Variants in ACTR3 observed in about 807,000 individuals in gnomAD.
The protein encoded by ACTR3 is actin-related protein 3.
ACTR3 carries 12 observed loss-of-function variants against 56.8 expected under a neutral mutation model. The ratio of observed to expected loss-of-function variants is 0.21; its 90% CI spans 0.14 to 0.34. The LOEUF is 0.34. ACTR3 is among the 10% of genes least tolerant of loss of function. ACTR3 has a pLI of 1.00. For missense variants in ACTR3, 282 were observed against 512.5 expected, an observed-to-expected ratio of 0.55 and a Z score of 4.34; for synonymous variants, 162 against 167.4, an observed-to-expected ratio of 0.97 and a Z score of 0.25.
chr2:113,920,316 T>C lies in ACTR3; in HGVS notation c.225+3308T>C, dbSNP rs985071267. ...CAAGTGACCCTCCCATGTTGGCCTCTCTCAAAGTGTGGGATTACAGGCATG... is the reference window on the plus strand; with the variant it reads ...CAAGTGACCCTCCCATGTTGGCCTCCCTCAAAGTGTGGGATTACAGGCATG... On this transcript the variant is annotated intron_variant, in intron 3 of 11. Transcript: ENST00000263238. Among the ~76,000 whole-genome samples the C allele has an allele frequency of 2.6e-5, 4 of 152,152 alleles. No homozygotes were observed. The South Asian group carries it at 8.3e-4, about 32-fold the overall frequency.
intron 8 of ACTR3, among the ~76,000 whole-genome samples, chr2:113,950,450 G>T (rs1680099797): frequency 6.6e-6 from 1 of 152,202 alleles, no homozygotes; most frequent in Non-Finnish European, 1.5e-5. Flanking sequence ...CAACCTCAAT[G>T]GGGAATGTGC....
Position 113,957,648 on chromosome 2 carries a change from TTTC to T in ACTR3, c.*196_*198del. 2.1e-6 allele frequency: 1 copy of T among 468,374 alleles called. No homozygotes were observed. Among genetic ancestry groups the T allele is most frequent in the Non-Finnish European group, 3.8e-6 (1 of 260,488 alleles). The allele number at this position is 468,374 out of a possible 1,614,324, so 29.0% of individuals were successfully genotyped here. A position where few individuals can be genotyped will look rare whatever the true frequency, so the allele number is the denominator to read the frequency against. ...AGAAGAGAGCGAAAGTGATTGTGTT[TTTC>T]TTTAGATTGAATATTTGAATCTTAT... On this transcript the variant is annotated 3_prime_UTR_variant, in exon 12 of 12. Transcript: ENST00000263238.
chr2:113,948,184 C>A (rs1680055986), intron 8 of ACTR3, among the ~76,000 whole-genome samples: 1 of 152,028 alleles, frequency 6.6e-6, no homozygotes. Flanking sequence ...CTTTTGGAAA[C>A]AGGGTCTTGC....
Position 113,903,433 on chromosome 2 carries a change from C to G in ACTR3, c.45-9739C>G, listed in dbSNP as rs980385180. On this transcript the variant is annotated intron_variant, in intron 1 of 11. Coordinates refer to ENST00000263238, the MANE Select transcript of ACTR3 (RefSeq NM_005721.5). ...CCAGGCTGGAGTGCAGTGGCGCAGC[C>G]TTGGCCCACTGCAACCTCTGTCTCC... Among the ~76,000 whole-genome samples, 5 of 152,124 alleles carry G rather than the reference C, an allele frequency of 3.3e-5. No homozygotes were observed. In the East Asian group the frequency reaches 5.8e-4, roughly 18 times the overall value.
At chr2:113,932,721 A>G (rs1438874249) in intron 5 of ACTR3, among the ~76,000 whole-genome samples, 4 of 152,188 alleles carry the variant, frequency 2.6e-5, no homozygotes, top group Non-Finnish European at 5.9e-5. Flanking sequence ...GAACTTACTT[A>G]TAGAGGAAGG....
At chr2:113,916,835 TC>T in intron 2 of ACTR3, 48 bp from the exon 3 acceptor site, 1 of 1,528,066 alleles carries the variant, frequency 6.5e-7, no homozygotes, top group South Asian at 1.2e-5. Context: ...TAAAAGTTTT[TC>T]TCATTTGAGG....
intron 1 of ACTR3, among the ~76,000 whole-genome samples, chr2:113,892,355 T>C (rs1678921112): frequency 6.6e-6 from 1 of 152,244 alleles, no homozygotes; most frequent in African/African-American, 2.4e-5. Flanking sequence ...CATTGGTTTC[T>C]CCAATAAGGA....
At chr2:113,910,465 A>G (rs1679287313) in intron 1 of ACTR3, among the ~76,000 whole-genome samples, 1 of 152,152 alleles carries the variant, frequency 6.6e-6, no homozygotes, top group African/African-American at 2.4e-5. Flanking sequence ...GAACTCAAGG[A>G]GGGAGTATGG....
At chr2:113,943,319 C>T (rs970795925) in intron 8 of ACTR3, among the ~76,000 whole-genome samples, 1 of 152,068 alleles carries the variant, frequency 6.6e-6, no homozygotes, top group Admixed American at 6.6e-5. Flanking sequence ...AGGTCTTAGA[C>T]ATGAGAGTGC....
At chr2:113,937,970 A>G (rs1679857248) in intron 6 of ACTR3, among the ~76,000 whole-genome samples, 1 of 152,020 alleles carries the variant, frequency 6.6e-6, no homozygotes, top group African/African-American at 2.4e-5. Flanking sequence ...CTCTAATCAC[A>G]TGTATATTAG....
At chr2:113,903,975 G>C (rs748047731) in intron 1 of ACTR3, 2 of 152,214 alleles carry the variant, frequency 1.3e-5, no homozygotes, top group Non-Finnish European at 2.9e-5. Flanking sequence ...TCCCGCCTCA[G>C]CCTCCTGAGT....
chr2:113,959,719 C>T lies in ACTR3; in HGVS notation c.*2264C>T, dbSNP rs933996859. 1 of 151,954 alleles carries T rather than the reference C, an allele frequency of 6.6e-6. No individual in the cohort carries two copies. Among genetic ancestry groups the T allele is most frequent in the Non-Finnish European group, 1.5e-5 (1 of 67,900 alleles). The allele number at this position is 151,954 out of a possible 1,614,324, so 9.4% of individuals were successfully genotyped here. A position where few individuals can be genotyped will look rare whatever the true frequency, so the allele number is the denominator to read the frequency against. The stretch of plus-strand genomic sequence containing the variant: ...CCGTTTTTTCAACTTAAAGCAACTT[C>T]AGCTGGAAATATGTAGAGGTTGGCC... On this transcript the variant is annotated 3_prime_UTR_variant, in exon 12 of 12. Transcript: ENST00000263238.
In ACTR3 at chr2:113,934,137, T is replaced by A. The variant is rs1679776943; in HGVS notation, c.433-142T>A. On this transcript the variant is annotated intron_variant, in intron 5 of 11. Transcript: ENST00000263238. Reference sequence around the variant, plus strand: ...TTTATTGCATAATACAAAATTAATTTTATGTATTTTCTTTCCACAGATACT... The same window carrying A: ...TTTATTGCATAATACAAAATTAATTATATGTATTTTCTTTCCACAGATACT... The A allele has an allele frequency of 5.0e-6, 3 of 604,770 alleles. No homozygotes were observed. In the African/African-American group the frequency reaches 5.8e-5, roughly 12 times the overall value. The allele number at this position is 604,770 out of a possible 1,614,324, so 37.5% of individuals were successfully genotyped here.
chr2:113,952,046 A>G, intron 10 of ACTR3: 1 of 697,926 alleles, frequency 1.4e-6, no homozygotes, highest in Non-Finnish European at 2.2e-6. Context: ...GTATTTCTGG[A>G]AAATAATTCT....
intron 1 of ACTR3, among the ~76,000 whole-genome samples, chr2:113,907,976 C>CCAAAA (rs1491511408): frequency 1.4e-5 from 1 of 69,078 alleles, no homozygotes; most frequent in Non-Finnish European, 2.9e-5. Flanking sequence ...CTCTGTCCCC[C>CCAAAA]AAAAAAAAAA....
chr2:113,919,362 G>T (rs1228785793), intron 3 of ACTR3, among the ~76,000 whole-genome samples: 1 of 152,024 alleles, frequency 6.6e-6, no homozygotes, highest in Non-Finnish European at 1.5e-5. Context: ...TATTTTCCCT[G>T]TGTGTTATGT....
At chr2:113,957,221 T>G in intron 11 of ACTR3, 139 bp from the exon 12 acceptor site, 1 of 561,560 alleles carries the variant, frequency 1.8e-6, no homozygotes, top group Admixed American at 3.1e-5. Context: ...TTTCTAAGCT[T>G]TCATGCCATG....
At chr2:113,900,228 C>A (rs1017301613) in intron 1 of ACTR3, among the ~76,000 whole-genome samples, 4 of 152,036 alleles carry the variant, frequency 2.6e-5, no homozygotes, top group African/African-American at 9.7e-5. Context: ...GGAATCCAAT[C>A]AATTTTAGAA....
In ACTR3 at chr2:113,940,784, TAAATTTTTA is replaced by T. The variant is rs1189081344; in HGVS notation, c.684+693_684+701del. 2.6e-5 allele frequency among the ~76,000 whole-genome samples: 4 copies of T among 151,514 alleles called. No individual in the cohort carries two copies. The East Asian group carries it at 7.7e-4, about 29-fold the overall frequency. On this transcript the variant is annotated intron_variant, in intron 7 of 11. Coordinates refer to ENST00000263238, the MANE Select transcript of ACTR3 (RefSeq NM_005721.5). ...TGGTTTTTTTTTTTTTAATTACCTG[TAAATTTTTA>T]AAATTTTTAATTTCTTATTTTTATT...
Sources: allele counts gnomAD v4.1 joint callset (sites outside exome capture counted in the v4.1 genomes callset), GRCh38; gene constraint gnomAD v4.1.1; transcripts MANE v1.5; gene names NCBI Gene and HGNC (gene_info 2026-07-23, HGNC 2026-07-21).